PYY: variants seen among roughly 807,000 people sequenced by gnomAD.
The protein encoded by PYY is peptide YY.
A neutral mutation model predicts 10.3 loss-of-function variants in PYY; 12 were observed. That is an observed-to-expected ratio of 1.17 (90% confidence interval 0.75 to 1.89). The LOEUF (loss-of-function observed/expected upper bound fraction) is 1.89. Among genes scored for constraint, PYY ranks in the 40% most tolerant of loss-of-function variants. PYY has a pLI of 0.00. For missense variants in PYY, 141 were observed against 134.0 expected, an observed-to-expected ratio of 1.05 and a Z score of -0.26; for synonymous variants, 66 against 62.0, an observed-to-expected ratio of 1.06 and a Z score of -0.30.
upstream of PYY, among the ~76,000 whole-genome samples, chr17:43,957,489 C>T (rs990989212): frequency 6.6e-6 from 1 of 152,120 alleles, no homozygotes; most frequent in Non-Finnish European, 1.5e-5. Flanking sequence ...GAAACCCCGT[C>T]TCTACTAAAA....
At chr17:43,964,924 A>C (rs1170188089) in intron 2 of PYY, among the ~76,000 whole-genome samples, 3 of 152,236 alleles carry the variant, frequency 2.0e-5, no homozygotes, top group Non-Finnish European at 2.9e-5. Context: ...GGGATTTTTA[A>C]TGCTACCATC....
chr17:44,000,774 C>CA (rs1418665429), intron 1 of PYY, among the ~76,000 whole-genome samples: 23 of 151,794 alleles, frequency 1.5e-4, no homozygotes, highest in Non-Finnish European at 2.9e-5. Flanking sequence ...AGGCTGGTCT[C>CA]AAACTCCTGA....
At chr17:43,978,434 T>C (rs1453301101) in intron 1 of PYY, among the ~76,000 whole-genome samples, 1 of 152,068 alleles carries the variant, frequency 6.6e-6, no homozygotes, top group Non-Finnish European at 1.5e-5. Context: ...GACAGGAGGA[T>C]CGTTTGAGCC....
chr17:43,959,879 C>T (rs1269253449), intron 2 of PYY, among the ~76,000 whole-genome samples: 1 of 152,206 alleles, frequency 6.6e-6, no homozygotes, highest in South Asian at 2.1e-4. Flanking sequence ...GGTGCAGAAA[C>T]TCAAGTCCTG....
At chr17:43,978,504 G>T (rs2048863246) in intron 1 of PYY, among the ~76,000 whole-genome samples, 2 of 152,076 alleles carry the variant, frequency 1.3e-5, no homozygotes, top group Non-Finnish European at 2.9e-5. Context: ...GAAAAGAAAA[G>T]AAAGTGTATC....
chr17:43,984,026 G>T (rs1404128064), intron 1 of PYY, among the ~76,000 whole-genome samples: 1 of 152,224 alleles, frequency 6.6e-6, no homozygotes, highest in Non-Finnish European at 1.5e-5. Context: ...CGGCCGCGCC[G>T]CCCCATTTGC....
chr17:43,993,333 T>C (rs937933333), intron 1 of PYY, among the ~76,000 whole-genome samples: 19 of 151,816 alleles, frequency 1.3e-4, no homozygotes, highest in Middle Eastern at 3.4e-3. Context: ...GGTGGTGGTG[T>C]CTGTAGTCCC....
At position 43,953,493 on chromosome 17, in the gene PYY, C is replaced by T. The variant is rs1298820177; in HGVS notation, c.1-10G>A. The T allele has an allele frequency of 2.4e-5, 38 of 1,580,236 alleles. No individual in the cohort carries two copies. Among genetic ancestry groups the T allele is most frequent in the Non-Finnish European group, 3.3e-5 (38 of 1,161,010 alleles). Reference sequence around the variant, plus strand: ...TGCGCACGAACACCATCTGGGAAGGCGACATTGGGACGTGGGTCATTCCAA... The same window carrying T: ...TGCGCACGAACACCATCTGGGAAGGTGACATTGGGACGTGGGTCATTCCAA... On this transcript the variant is annotated splice_polypyrimidine_tract_variant and intron_variant, in intron 1 of 3. Coordinates refer to ENST00000692052, the MANE Select transcript of PYY (RefSeq NM_001394028.1).
At chr17:43,978,666 C>A (rs1413935407) in intron 1 of PYY, among the ~76,000 whole-genome samples, 1 of 152,222 alleles carries the variant, frequency 6.6e-6, no homozygotes, top group Non-Finnish European at 1.5e-5. Flanking sequence ...GTCTGTACCT[C>A]AGACAGAAAA....
intron 1 of PYY, among the ~76,000 whole-genome samples, chr17:43,991,004 C>T (rs1466670377): frequency 3.3e-5 from 5 of 151,730 alleles, no homozygotes; most frequent in Non-Finnish European, 5.9e-5. Flanking sequence ...ACCATGGTCT[C>T]GAACTCCTCA....
chr17:43,974,338 G>A lies in PYY; in HGVS notation c.-462-7806C>T, dbSNP rs146945021. Among the ~76,000 whole-genome samples the A allele has an allele frequency of 1.5e-3, 230 of 151,864 alleles. 3 individuals carry two copies. Among genetic ancestry groups the A allele is most frequent in the African/African-American group, 5.2e-3 (217 of 41,410 alleles). ...TGCCCCCTTTACTAGTAGAGGGTGG[G>A]GTGGAAGGGCAGGCAGTGGGGGATG... On this transcript the variant is annotated intron_variant, in intron 1 of 6. Transcript: ENST00000360085.
chr17:43,963,813 C>CAA lies in PYY; in HGVS notation c.-218+2473_-218+2474dup, dbSNP rs34095430. Reference sequence around the variant, plus strand: ...AGAGACCCTATTTCTACCAAAAATACAAAAAAAAAAATTCTGATATGGATG... The same window carrying CAA: ...AGAGACCCTATTTCTACCAAAAATACAAAAAAAAAAAAATTCTGATATGGATG... On this transcript the variant is annotated intron_variant, in intron 2 of 6. Transcript: ENST00000360085. 3.9e-3 allele frequency among the ~76,000 whole-genome samples: 572 copies of CAA among 147,464 alleles called. 1 individual carries two copies. Among genetic ancestry groups the CAA allele is most frequent in the Non-Finnish European group, 5.4e-3 (360 of 66,890 alleles).
At chr17:43,990,242 A>C (rs1314516218) in intron 1 of PYY, among the ~76,000 whole-genome samples, 1 of 151,876 alleles carries the variant, frequency 6.6e-6, no homozygotes, top group Non-Finnish European at 1.5e-5. Context: ...GTTCGAGACC[A>C]GCCTGGCCAA....
chr17:43,964,298 A>C (rs372620870), intron 2 of PYY, among the ~76,000 whole-genome samples: 7 of 152,314 alleles, frequency 4.6e-5, no homozygotes, highest in South Asian at 2.1e-4. Context: ...CTGTCCTTCA[A>C]ATGCATAATC....
intron 1 of PYY, among the ~76,000 whole-genome samples, chr17:43,994,489 C>T (rs1477924925): frequency 1.3e-5 from 2 of 152,136 alleles, no homozygotes; most frequent in Non-Finnish European, 2.9e-5. Context: ...AGCTTTCTCC[C>T]TACTGAGAAG....
At chr17:43,989,699 T>G (rs928971645) in intron 1 of PYY, among the ~76,000 whole-genome samples, 1 of 150,048 alleles carries the variant, frequency 6.7e-6, no homozygotes, top group African/African-American at 2.5e-5. Context: ...CCCAGCACTT[T>G]GGGAGGCTGA....
At chr17:43,999,777 A>G (rs1309535166) in intron 1 of PYY, among the ~76,000 whole-genome samples, 1 of 151,942 alleles carries the variant, frequency 6.6e-6, no homozygotes, top group Non-Finnish European at 1.5e-5. Context: ...TCAAAAAAAA[A>G]AAAAAGAAAA....
At chr17:43,983,104 C>T (rs529032774) in intron 1 of PYY, among the ~76,000 whole-genome samples, 18 of 152,138 alleles carry the variant, frequency 1.2e-4, no homozygotes, top group African/African-American at 4.1e-4. Flanking sequence ...TGGTGGTGCA[C>T]GCTTGTAATC....
At chr17:43,998,723 T>G (rs1170812123) in intron 1 of PYY, among the ~76,000 whole-genome samples, 1 of 152,108 alleles carries the variant, frequency 6.6e-6, no homozygotes, top group African/African-American at 2.4e-5. Flanking sequence ...CATGAGTCAC[T>G]ACGCCCAGCT....
Sources: gnomAD v4.1 joint callset for allele counts (sites outside exome capture counted in the v4.1 genomes callset) on GRCh38, gnomAD v4.1.1 for gene constraint, MANE v1.5 for transcripts, NCBI Gene and HGNC (gene_info 2026-07-23, HGNC 2026-07-21) for gene names.